The following SLCO4C1 variants were observed in gnomAD, a reference collection of about 807,000 sequenced individuals.
The protein encoded by SLCO4C1 is organic anion transporter M1.
A neutral mutation model predicts 72.1 loss-of-function variants in SLCO4C1; 58 were observed. The ratio of observed to expected loss-of-function variants is 0.80; its 90% confidence interval spans 0.65 to 1.00. The LOEUF is 1.00. Among genes scored for constraint, SLCO4C1 ranks in the 50% least tolerant of loss-of-function variants. The probability of loss-of-function intolerance (pLI) is 0.00; values close to 1 mark genes in which losing one functional copy is unlikely to be tolerated. For missense variants in SLCO4C1, 898 were observed against 857.9 expected (o/e 1.05, Z -0.58); for synonymous variants, 297 against 312.5 (o/e 0.95, Z 0.52).
intron 8 of SLCO4C1, among the ~76,000 whole-genome samples, chr5:102,254,410 C>T (rs1748796337): frequency 6.6e-6 from 1 of 152,110 alleles, no homozygotes; most frequent in Non-Finnish European, 1.5e-5. Flanking sequence ...CAAACTTTTT[C>T]ATTATCATTT....
In SLCO4C1 at chr5:102,282,881, CTCTT is replaced by C. The variant is rs545214684; in HGVS notation, c.619+8458_619+8461del. Among the ~76,000 whole-genome samples, 218 of 152,102 alleles carry C rather than the reference CTCTT, an allele frequency of 1.4e-3. 1 individual carries two copies. Among genetic ancestry groups the C allele is most frequent in the African/African-American group, 4.6e-3 (190 of 41,562 alleles). ...TAACCAAGGTGTGTTACCATGAAAA[CTCTT>C]TCTTTCTTTCTTTATTCCATTTTTG... On this transcript the variant is annotated intron_variant, in intron 2 of 12. Coordinates refer to ENST00000310954, the MANE Select transcript of SLCO4C1 (RefSeq NM_180991.5).
intron 5 of SLCO4C1, among the ~76,000 whole-genome samples, chr5:102,261,068 T>C (rs977452053): frequency 6.6e-6 from 1 of 152,152 alleles, no homozygotes; most frequent in African/African-American, 2.4e-5. Flanking sequence ...CAAGAGCTCA[T>C]AGAGAAAAAT....
rs1171996696 is a variant in SLCO4C1, at chr5:102,257,199, C to T, written c.1385G>A (p.Gly462Glu). Residue 462 changes from glycine to glutamate, a missense_variant, in exon 8 of 13, where the codon GGA becomes GAA. Gly to Glu is a moderately conservative substitution (Grantham distance 98). Transcript: ENST00000310954. Reference protein sequence around the residue: ...NTMKFALFTSGVALTLSFVFM... With the variant: ...NTMKFALFTSEVALTLSFVFM... ...TACAAAACTCAGCGTAAGTGCAACT[C>T]CAGATGTGAACAGTGCAAACTTCAT... The T allele has an allele frequency of 6.2e-7, 1 of 1,609,484 alleles. No homozygotes were observed. Among genetic ancestry groups the T allele is most frequent in the Non-Finnish European group, 8.5e-7 (1 of 1,178,180 alleles).
At chr5:102,287,019 A>T (rs1484210608) in intron 2 of SLCO4C1, among the ~76,000 whole-genome samples, 1 of 152,170 alleles carries the variant, frequency 6.6e-6, no homozygotes, top group East Asian at 1.9e-4. Flanking sequence ...AAAGCACAGA[A>T]GGGTATGTTA....
intron 10 of SLCO4C1, among the ~76,000 whole-genome samples, chr5:102,241,886 AG>A (rs1748546179): frequency 6.6e-6 from 1 of 152,212 alleles, no homozygotes; most frequent in African/African-American, 2.4e-5. Flanking sequence ...AAGAATCAAA[AG>A]TCAGGTGAGC....
chr5:102,245,366 A>G (rs1336858219), intron 10 of SLCO4C1, among the ~76,000 whole-genome samples: 1 of 152,164 alleles, frequency 6.6e-6, no homozygotes, highest in Non-Finnish European at 1.5e-5. Context: ...ATTCCATGCC[A>G]ATGGAAACTG....
At chr5:102,250,978 C>T (rs1748728524) in intron 8 of SLCO4C1, among the ~76,000 whole-genome samples, 1 of 150,876 alleles carries the variant, frequency 6.6e-6, no homozygotes, top group African/African-American at 2.4e-5. Context: ...CAGAGTGAGA[C>T]TCCATACAAA....
chr5:102,238,578 C>G (rs927538039), intron 12 of SLCO4C1, among the ~76,000 whole-genome samples: 2 of 152,058 alleles, frequency 1.3e-5, no homozygotes, highest in African/African-American at 4.8e-5. Context: ...ATGAAAATCA[C>G]ACATTATATT....
intron 10 of SLCO4C1, among the ~76,000 whole-genome samples, chr5:102,244,917 A>AT (rs1248325308): frequency 1.3e-5 from 2 of 152,202 alleles, no homozygotes; most frequent in Non-Finnish European, 2.9e-5. Context: ...GAAAAAGAAC[A>AT]TTAATGAGCA....
At chr5:102,238,493 A>C (rs1052970063) in intron 12 of SLCO4C1, among the ~76,000 whole-genome samples, 13 of 152,130 alleles carry the variant, frequency 8.5e-5, no homozygotes, top group African/African-American at 3.1e-4. Context: ...TCAACTCAGA[A>C]AGCATACTCT....
chr5:102,292,364 T>G (rs1749573648), intron 1 of SLCO4C1, among the ~76,000 whole-genome samples: 1 of 152,148 alleles, frequency 6.6e-6, no homozygotes, highest in South Asian at 2.1e-4. Context: ...GCCACTACAG[T>G]TAGGCTCAAT....
At chr5:102,276,154 A>G (rs1387592517) in intron 2 of SLCO4C1, among the ~76,000 whole-genome samples, 1 of 152,182 alleles carries the variant, frequency 6.6e-6, no homozygotes, top group Non-Finnish European at 1.5e-5. Flanking sequence ...TTTTTCTACT[A>G]AAGCACAAAG....
At chr5:102,271,175 G>A (rs1316264584) in intron 2 of SLCO4C1, among the ~76,000 whole-genome samples, 2 of 151,824 alleles carry the variant, frequency 1.3e-5, no homozygotes, top group Admixed American at 1.3e-4. Context: ...ACAATGTCCA[G>A]TTTTCACTTA....
At chr5:102,294,315 G>A (rs1209304396) in intron 1 of SLCO4C1, among the ~76,000 whole-genome samples, 1 of 152,064 alleles carries the variant, frequency 6.6e-6, no homozygotes, top group East Asian at 1.9e-4. Context: ...CAAAGTGCTG[G>A]GATTACAGGC....
chr5:102,237,064 G>T, intron 12 of SLCO4C1, 46 bp from the exon 13 acceptor site: 4 of 1,496,932 alleles, frequency 2.7e-6, no homozygotes, highest in Non-Finnish European at 2.7e-6. Flanking sequence ...TTTTAATTAT[G>T]ATAAAAATTA....
chr5:102,239,375 T>C lies in SLCO4C1; in HGVS notation c.1890A>G (p.Gly630=). ...CTATTGTGAAACCAAATATAATTGG[T>C]CCAGGAATTGTCCCTAAAAGAATTA... ...MVLRLLGTIP[G]PIIFGFTIDS... Residue 630 remains glycine (G), a synonymous_variant, in exon 12 of 13, where the codon GGA becomes GGG. Transcript: ENST00000310954. 6.3e-7 allele frequency: 1 copy of C among 1,582,898 alleles called. No individual in the cohort carries two copies. The highest frequency in any genetic ancestry group is 2.3e-5 in the East Asian group (1 of 43,856).
intron 9 of SLCO4C1, among the ~76,000 whole-genome samples, chr5:102,248,620 A>T (rs557447093): frequency 6.6e-6 from 1 of 152,232 alleles, no homozygotes; most frequent in Non-Finnish European, 1.5e-5. Flanking sequence ...TCTGCTTCTA[A>T]TCAAAGTTAG....
At chr5:102,287,607 C>T (rs954043687) in intron 2 of SLCO4C1, among the ~76,000 whole-genome samples, 4 of 139,220 alleles carry the variant, frequency 2.9e-5, no homozygotes, top group African/African-American at 8.2e-5. Context: ...TGCAATGGTA[C>T]GGTTTCAGCT....
chr5:102,237,139 T>A (rs1748452448), intron 12 of SLCO4C1, 121 bp from the exon 13 acceptor site: 1 of 1,041,596 alleles, frequency 9.6e-7, no homozygotes, highest in South Asian at 2.0e-5. Context: ...CCATTATAGT[T>A]CTATGTTTAA....
Sources: allele counts gnomAD v4.1 joint callset (sites outside exome capture counted in the v4.1 genomes callset), GRCh38; gene constraint gnomAD v4.1.1; transcripts MANE v1.5; gene names NCBI Gene and HGNC (gene_info 2026-07-23, HGNC 2026-07-21).